The following COL27A1 variants were observed in gnomAD, a reference collection of about 807,000 sequenced individuals.
COL27A1 encodes the protein collagen type XXVII alpha 1 chain.
Under a neutral mutation model 251.3 loss-of-function variants are expected in COL27A1, and 106 were observed. That is an observed-to-expected ratio of 0.42 (90% CI 0.36 to 0.50). The LOEUF is 0.50. COL27A1 is among the 20% of genes least tolerant of loss of function. The pLI is 0.00. For missense variants in COL27A1, 2,325 were observed against 2,522.8 expected (o/e 0.92, Z 1.68); for synonymous variants, 1,000 against 986.3 (o/e 1.01, Z -0.26).
intron 5 of COL27A1, among the ~76,000 whole-genome samples, chr9:114,184,525 C>G (rs915826179): frequency 6.6e-6 from 1 of 152,208 alleles, no homozygotes; most frequent in Non-Finnish European, 1.5e-5. Flanking sequence ...TTGGGCTGGG[C>G]TGGGTTCCTT....
chr9:114,308,840 G>A (rs376668888), intron 59 of COL27A1, among the ~76,000 whole-genome samples: 3 of 152,178 alleles, frequency 2.0e-5, no homozygotes, highest in East Asian at 3.9e-4. Flanking sequence ...GCACCCCATC[G>A]CACCTCACAG....
At chr9:114,217,753 C>T (rs781215858) in intron 12 of COL27A1, 3 of 470,322 alleles carry the variant, frequency 6.4e-6, no homozygotes. Flanking sequence ...CAAGGAGTTG[C>T]TTTCCTCTCC....
At chr9:114,218,698 T>C (rs983857664) in intron 12 of COL27A1, 2 of 152,048 alleles carry the variant, frequency 1.3e-5, no homozygotes, top group African/African-American at 4.8e-5. Context: ...GGGGAGAGAT[T>C]TAAAGGGAGT....
At chr9:114,278,602 GTGA>G (rs911591633) in intron 37 of COL27A1, among the ~76,000 whole-genome samples, 5 of 149,476 alleles carry the variant, frequency 3.3e-5, no homozygotes, top group Non-Finnish European at 5.9e-5. Context: ...GGTGGGAGTG[GTGA>G]TGATGATGAT....
At chr9:114,265,774 G>A (rs1834698970) in intron 32 of COL27A1, among the ~76,000 whole-genome samples, 1 of 152,216 alleles carries the variant, frequency 6.6e-6, no homozygotes, top group Non-Finnish European at 1.5e-5. Context: ...ACAGGGAAAG[G>A]CAGGAGGGAG....
intron 5 of COL27A1, among the ~76,000 whole-genome samples, chr9:114,187,189 G>A (rs896189455): frequency 6.6e-6 from 1 of 152,270 alleles, no homozygotes; most frequent in Non-Finnish European, 1.5e-5. Context: ...TTTGGGCCAG[G>A]CCCTGTGCTG....
At chr9:114,277,628 G>A (rs981907635) in intron 37 of COL27A1, among the ~76,000 whole-genome samples, 5 of 152,188 alleles carry the variant, frequency 3.3e-5, no homozygotes, top group Admixed American at 6.5e-5. Flanking sequence ...AGAAGAATAC[G>A]AGGGCGCTGA....
intron 36 of COL27A1, 117 bp from the exon 37 acceptor site, chr9:114,275,544 T>A (rs1588848927): frequency 1.5e-6 from 1 of 651,404 alleles, no homozygotes; most frequent in Non-Finnish European, 2.6e-6. Context: ...CTATCGAGAA[T>A]CTAGGGACCA....
intron 7 of COL27A1, 81 bp downstream of exon 7, chr9:114,196,093 C>G: frequency 8.1e-7 from 1 of 1,228,042 alleles, no homozygotes; most frequent in Non-Finnish European, 1.2e-6. Context: ...GCTGTGGGCC[C>G]ACCTGCCTCT....
intron 28 of COL27A1, 114 bp downstream of exon 28, chr9:114,258,708 TGA>T (rs1834116629): frequency 9.1e-7 from 1 of 1,097,882 alleles, no homozygotes; most frequent in Non-Finnish European, 1.3e-6. Context: ...CTGGGATCTG[TGA>T]CTTTCATAGC....
intron 14 of COL27A1, among the ~76,000 whole-genome samples, chr9:114,226,496 C>T (rs1056248637): frequency 2.6e-5 from 4 of 152,234 alleles, no homozygotes; most frequent in African/African-American, 9.6e-5. Context: ...AGCTCACACT[C>T]TCCACTGTTG....
chr9:114,205,293 A>T, intron 8 of COL27A1, 147 bp downstream of exon 8: 1 of 670,070 alleles, frequency 1.5e-6, no homozygotes, highest in Non-Finnish European at 2.5e-6. Flanking sequence ...CCCCCAGCCC[A>T]CTCCAGTCCA....
At chr9:114,236,957 C>G in intron 17 of COL27A1, 24 bp from the exon 18 acceptor site, 1 of 1,613,186 alleles carries the variant, frequency 6.2e-7, no homozygotes, top group Non-Finnish European at 8.5e-7. Context: ...TCACTAACCC[C>G]AGCCTGCTCT....
rs117661048 is a variant in COL27A1, at chr9:114,270,049, C to T, written c.3556-679C>T. On this transcript the variant is annotated intron_variant, in intron 35 of 60. Transcript: ENST00000356083. ...GGGACTCTGTTCTTGCTGTCATTCC[C>T]GAGCTTGCTGGGAAGAAAAGTCGAA... Among the ~76,000 whole-genome samples, 277 of 152,298 alleles carry T rather than the reference C, an allele frequency of 1.8e-3. 1 individual carries two copies. The highest frequency in any genetic ancestry group is 2.3e-3 in the African/African-American group (97 of 41,570).
rs1364972769 is a variant in COL27A1 at position 114,190,721 on chromosome 9, CT to C, written c.2017-3682del. Among the ~76,000 whole-genome samples the C allele has an allele frequency of 2.0e-5, 3 of 152,346 alleles. No individual in the cohort carries two copies. In the East Asian group the frequency reaches 5.8e-4, roughly 29 times the overall value. ...CCTGCTATGTTCTTGGCACTTAAGGCTCCCATCTGTCTTCTAGTACCACCTG... is the reference window on the plus strand; with the variant it reads ...CCTGCTATGTTCTTGGCACTTAAGGCCCCATCTGTCTTCTAGTACCACCTG... On this transcript the variant is annotated intron_variant, in intron 5 of 60. Coordinates refer to ENST00000356083, the MANE Select transcript of COL27A1 (RefSeq NM_032888.4).
At position 114,168,916 on chromosome 9, in the gene COL27A1, T is replaced by C. The variant is rs1427889922; in HGVS notation, c.1361T>C (p.Ile454Thr). Reference protein sequence around the residue: ...PPTTSSSKKPIPTLARTEAKI... With the variant: ...PPTTSSSKKPTPTLARTEAKI... ...ACCACCAGCTCCTCTAAAAAACCCATTCCCACACTAGCTCGGACTGAGGCC... is the reference window on the plus strand; with the variant it reads ...ACCACCAGCTCCTCTAAAAAACCCACTCCCACACTAGCTCGGACTGAGGCC... The change falls in exon 3 of 61, where the codon ATT (isoleucine) becomes ACT (threonine). Residue 454 changes from isoleucine (I) to threonine (T), a missense_variant. By Grantham distance (89) the Ile-to-Thr change is moderately conservative. Transcript: ENST00000356083. The C allele has an allele frequency of 1.2e-6, 2 of 1,613,690 alleles. No individual in the cohort carries two copies. The highest frequency in any genetic ancestry group is 1.7e-6 in the Non-Finnish European group (2 of 1,179,906).
chr9:114,186,716 C>G (rs1289130898), intron 5 of COL27A1, among the ~76,000 whole-genome samples: 1 of 152,198 alleles, frequency 6.6e-6, no homozygotes, highest in Admixed American at 6.5e-5. Context: ...GCTGGAAGAC[C>G]TGGAAAGGAT....
intron 4 of COL27A1, among the ~76,000 whole-genome samples, chr9:114,181,200 G>A (rs1001986358): frequency 1.3e-5 from 2 of 152,162 alleles, no homozygotes; most frequent in African/African-American, 4.8e-5. Flanking sequence ...CTCAGAATTG[G>A]GACTCAGTCT....
rs140230633 is a variant in COL27A1, at chr9:114,220,112, T to C, written c.2421+268T>C. Among the ~76,000 whole-genome samples the C allele has an allele frequency of 2.7e-3, 413 of 152,256 alleles. 2 individuals are homozygous for C. The highest frequency in any genetic ancestry group is 9.6e-3 in the African/African-American group (401 of 41,556). The stretch of plus-strand genomic sequence containing the variant: ...AGGCTGCACCCCATTTCCAGGACTT[T>C]GGAAGGTTCATGGGTCACTCCCCAC... On this transcript the variant is annotated intron_variant, in intron 13 of 60. Coordinates refer to ENST00000356083, the MANE Select transcript of COL27A1 (RefSeq NM_032888.4).
Sources: gnomAD v4.1 joint callset for allele counts (sites outside exome capture counted in the v4.1 genomes callset) on GRCh38, gnomAD v4.1.1 for gene constraint, MANE v1.5 for transcripts, NCBI Gene and HGNC (gene_info 2026-07-23, HGNC 2026-07-21) for gene names.